CACNA2D3: variants seen among roughly 807,000 people sequenced by gnomAD.
CACNA2D3 encodes the protein calcium voltage-gated channel auxiliary subunit alpha2delta 3, also known as voltage-dependent calcium channel subunit alpha-2/delta-3.
In CACNA2D3, 60 loss-of-function variants were observed where a neutral mutation model predicts 160.6. The observed-to-expected ratio is 0.37, with a 90% CI of 0.30 to 0.46. The LOEUF is 0.46. Ranked by LOEUF, CACNA2D3 falls within the 20% of genes least tolerant of loss-of-function variation. CACNA2D3 has a pLI of 1.00. For synonymous variants in CACNA2D3, 558 were observed against 492.9 expected, an observed-to-expected ratio of 1.13 and a Z score of -1.75; for missense variants, 1,205 against 1,365.0, an observed-to-expected ratio of 0.88 and a Z score of 1.85.
At chr3:54,571,981 G>A (rs980883560) in intron 8 of CACNA2D3, among the ~76,000 whole-genome samples, 2 of 152,158 alleles carry the variant, frequency 1.3e-5, no homozygotes, top group African/African-American at 2.4e-5. Context: ...AGAAGAGGGT[G>A]CTCCGAGAAT....
At chr3:54,799,472 G>C (rs925328997) in intron 13 of CACNA2D3, among the ~76,000 whole-genome samples, 2 of 152,008 alleles carry the variant, frequency 1.3e-5, no homozygotes, top group African/African-American at 4.8e-5. Context: ...CATTCTTGGG[G>C]GCCCGGTATT....
chr3:54,915,818 G>A (rs1261344204), intron 27 of CACNA2D3, among the ~76,000 whole-genome samples: 1 of 152,202 alleles, frequency 6.6e-6, no homozygotes, highest in Non-Finnish European at 1.5e-5. Flanking sequence ...GCAAAAGATA[G>A]AAATCTGAAT....
At chr3:54,135,636 C>G (rs1576949538) in intron 2 of CACNA2D3, among the ~76,000 whole-genome samples, 1 of 152,206 alleles carries the variant, frequency 6.6e-6, no homozygotes, top group Non-Finnish European at 1.5e-5. Context: ...CCAGCGCCTC[C>G]CTGGGATGTG....
At chr3:54,485,821 C>T (rs1701007267) in intron 4 of CACNA2D3, among the ~76,000 whole-genome samples, 1 of 152,148 alleles carries the variant, frequency 6.6e-6, no homozygotes, top group Non-Finnish European at 1.5e-5. Flanking sequence ...GCCTTGGCCT[C>T]CCAAAGTTCT....
chr3:54,863,777 A>G (rs1699345273), intron 17 of CACNA2D3, among the ~76,000 whole-genome samples: 1 of 152,142 alleles, frequency 6.6e-6, no homozygotes, highest in South Asian at 2.1e-4. Context: ...GGATTTTGTA[A>G]TCATACTAAG....
At chr3:54,872,963 C>A (rs1195693237) in intron 18 of CACNA2D3, among the ~76,000 whole-genome samples, 1 of 152,012 alleles carries the variant, frequency 6.6e-6, no homozygotes. Context: ...CCTGGCTTAG[C>A]GCAATTGTGA....
In CACNA2D3 at chr3:54,879,327, CTTTT is replaced by C. The variant is rs35536476; in HGVS notation, c.1783-12_1783-9del. 23 of 1,387,440 alleles carry C rather than the reference CTTTT, an allele frequency of 1.7e-5. No individual in the cohort carries two copies. The highest frequency in any genetic ancestry group is 3.9e-5 in the South Asian group (3 of 77,416). The allele number at this position is 1,387,440 out of a possible 1,614,324, so 85.9% of individuals were successfully genotyped here. On this transcript the variant is annotated intron_variant, in intron 19 of 37. Transcript: ENST00000474759. ...TAACCATGTTTTCTTTTCTCTACGA[CTTTT>C]TTTTTTTTTTCAATCTAGAAACGGG... is the stretch of plus-strand genomic sequence containing the variant.
At position 54,123,562 on chromosome 3, in the gene CACNA2D3, G is replaced by A; in HGVS notation, c.172G>A (p.Ala58Thr). 1 of 1,613,806 alleles carries A rather than the reference G, an allele frequency of 6.2e-7. No individual in the cohort carries two copies. Among genetic ancestry groups the A allele is most frequent in the Non-Finnish European group, 8.5e-7 (1 of 1,179,838 alleles). Residue 58 changes from alanine to threonine, a missense_variant, in exon 2 of 38, where the codon GCT becomes ACT. This residue lies in a region of CACNA2D3 where 163 missense variants were observed against 161.3 expected (regional missense o/e 1.01). Transcript: ENST00000474759. ...AFGGEIKSIA[A>T]KYSGSQLLQK... ...TGGTGGGGAGATAAAATCCATTGCT[G>A]CTAAGTACTCCGGTTCCCAGCTTCT...
chr3:55,046,387 T>C lies in CACNA2D3; in HGVS notation c.2988-27058T>C, dbSNP rs1269851996. The stretch of plus-strand genomic sequence containing the variant: ...TGTTCTTGCGATAGTTTACTGAGAA[T>C]GATGATTTCCAATTTCATCCATGTC... On this transcript the variant is annotated intron_variant, in intron 35 of 37. Coordinates refer to ENST00000474759, the MANE Select transcript of CACNA2D3 (RefSeq NM_018398.3). Among the ~76,000 whole-genome samples, 9 of 106,826 alleles carry C rather than the reference T, an allele frequency of 8.4e-5. 1 individual carries two copies. Among genetic ancestry groups the C allele is most frequent in the Admixed American group, 5.6e-4 (6 of 10,670 alleles). 70.1% of individuals were successfully genotyped at this position (106,826 alleles called of 152,430 possible).
At chr3:54,750,727 A>G (rs543951872) in intron 11 of CACNA2D3, among the ~76,000 whole-genome samples, 1 of 151,820 alleles carries the variant, frequency 6.6e-6, no homozygotes, top group African/African-American at 2.4e-5. Context: ...AGCTATATGA[A>G]GGAGGGTCAG....
At chr3:54,561,030 A>G (rs965081050) in intron 5 of CACNA2D3, among the ~76,000 whole-genome samples, 1 of 151,988 alleles carries the variant, frequency 6.6e-6, no homozygotes, top group African/African-American at 2.4e-5. Flanking sequence ...AGCTTTATTC[A>G]TTTTGATTAG....
chr3:54,635,440 T>A (rs1390525387), intron 10 of CACNA2D3, among the ~76,000 whole-genome samples: 2 of 151,876 alleles, frequency 1.3e-5, no homozygotes, highest in Admixed American at 1.3e-4. Flanking sequence ...AGGGCATGTA[T>A]GAGTAGTTGA....
intron 27 of CACNA2D3, among the ~76,000 whole-genome samples, chr3:54,914,343 A>G (rs529161408): frequency 2.6e-5 from 4 of 152,306 alleles, no homozygotes; most frequent in African/African-American, 7.2e-5. Context: ...TCTATTAGCA[A>G]TGTCTGCAAT....
chr3:54,436,620 T>G (rs1209587949), intron 4 of CACNA2D3, among the ~76,000 whole-genome samples: 6 of 152,222 alleles, frequency 3.9e-5, no homozygotes, highest in African/African-American at 1.2e-4. Flanking sequence ...AGAGTCCATG[T>G]CCTTTGCAGG....
intron 35 of CACNA2D3, among the ~76,000 whole-genome samples, chr3:55,036,239 G>C (rs768857333): frequency 7.9e-5 from 12 of 152,114 alleles, no homozygotes; most frequent in Non-Finnish European, 1.6e-4. Flanking sequence ...TTGAGGTGAG[G>C]AGTTCGAGAC....
intron 2 of CACNA2D3, among the ~76,000 whole-genome samples, chr3:54,234,274 A>G (rs1247061424): frequency 2.0e-5 from 3 of 152,204 alleles, no homozygotes; most frequent in Non-Finnish European, 4.4e-5. Context: ...GCAAATCAAA[A>G]CTACATTGAG....
At chr3:54,814,685 A>G (rs1382993273) in intron 13 of CACNA2D3, among the ~76,000 whole-genome samples, 1 of 152,256 alleles carries the variant, frequency 6.6e-6, no homozygotes, top group South Asian at 2.1e-4. Context: ...TGTGGGGAGG[A>G]TGAGGGCAGT....
chr3:55,028,089 G>A (rs913460435), intron 35 of CACNA2D3, among the ~76,000 whole-genome samples: 1 of 152,192 alleles, frequency 6.6e-6, no homozygotes, highest in East Asian at 1.9e-4. Context: ...ACAAAGTTGA[G>A]CTGCGTCCTA....
intron 2 of CACNA2D3, among the ~76,000 whole-genome samples, chr3:54,169,495 C>T (rs1196902306): frequency 6.6e-6 from 1 of 152,170 alleles, no homozygotes; most frequent in African/African-American, 2.4e-5. Flanking sequence ...CAGTTTATTA[C>T]TGCACTTCGG....
Sources: gnomAD v4.1 joint callset for allele counts (sites outside exome capture counted in the v4.1 genomes callset) on GRCh38, gnomAD v4.1.1 for gene constraint, gnomAD v4.1.1 regional missense constraint, MANE v1.5 for transcripts, NCBI Gene and HGNC (gene_info 2026-07-23, HGNC 2026-07-21) for gene names.